The following C1orf21 variants were observed in gnomAD, a reference collection of about 807,000 sequenced individuals.
C1orf21 encodes uncharacterized protein C1orf21.
In C1orf21, 3 loss-of-function variants were observed where a neutral mutation model predicts 18.7. That is an observed-to-expected ratio of 0.16 (90% CI 0.07 to 0.42). The LOEUF (loss-of-function observed/expected upper bound fraction) is 0.42. Ranked by LOEUF, C1orf21 falls within the 10% of genes least tolerant of loss-of-function variation. The pLI, the probability that C1orf21 is intolerant of heterozygous loss-of-function variation, is 0.99. For synonymous variants in C1orf21, 41 were observed against 46.4 expected (o/e 0.88, Z 0.47); for missense variants, 104 against 143.6 (o/e 0.72, Z 1.41).
intron 1 of C1orf21, among the ~76,000 whole-genome samples, chr1:184,449,132 GT>G (rs1251980646): frequency 1.3e-5 from 2 of 152,050 alleles, no homozygotes; most frequent in African/African-American, 4.8e-5. Flanking sequence ...CATGTGCCAT[GT>G]TGGTGTGCTG....
intron 1 of C1orf21, among the ~76,000 whole-genome samples, chr1:184,394,668 C>T (rs1204593263): frequency 3.3e-5 from 5 of 152,192 alleles, no homozygotes; most frequent in Non-Finnish European, 7.3e-5. Flanking sequence ...TTGCAGGAAA[C>T]TTCTCAAAGA....
intron 2 of C1orf21, among the ~76,000 whole-genome samples, chr1:184,505,272 C>T (rs1053032409): frequency 1.5e-5 from 2 of 133,560 alleles, no homozygotes; most frequent in African/African-American, 2.8e-5. Flanking sequence ...ATCCTACAGA[C>T]AAAATCATAG....
chr1:184,576,074 C>T (rs538962247), intron 3 of C1orf21, among the ~76,000 whole-genome samples: 1 of 152,166 alleles, frequency 6.6e-6, no homozygotes, highest in Admixed American at 6.5e-5. Flanking sequence ...TTAGGTAAAC[C>T]AACATATCAC....
intron 1 of C1orf21, among the ~76,000 whole-genome samples, chr1:184,415,801 C>T (rs1281906118): frequency 1.3e-5 from 2 of 152,176 alleles, no homozygotes; most frequent in African/African-American, 2.4e-5. Context: ...ATTTTGGATT[C>T]ATCCTTCTCC....
chr1:184,525,357 T>C (rs1193329629), intron 3 of C1orf21, among the ~76,000 whole-genome samples: 1 of 152,170 alleles, frequency 6.6e-6, no homozygotes, highest in East Asian at 1.9e-4. Flanking sequence ...ATTATGATTT[T>C]CCAACTTTAC....
chr1:184,484,884 CTGTGTG>C (rs3034460), intron 2 of C1orf21, among the ~76,000 whole-genome samples: 9,368 of 145,998 alleles, frequency 0.064, 336 homozygotes, highest in Non-Finnish European at 0.088. Context: ...ATGCTTGTGG[CTGTGTG>C]TGTGTGTGTG....
At chr1:184,559,552 TTC>T (rs1658929457) in intron 3 of C1orf21, among the ~76,000 whole-genome samples, 3 of 128,920 alleles carry the variant, frequency 2.3e-5, no homozygotes, top group East Asian at 2.4e-4. Flanking sequence ...CCTTCCTTCC[TTC>T]CTCTCTCTTT....
At chr1:184,450,909 C>T (rs1657110833) in intron 1 of C1orf21, among the ~76,000 whole-genome samples, 1 of 152,156 alleles carries the variant, frequency 6.6e-6, no homozygotes, top group Non-Finnish European at 1.5e-5. Context: ...ACAGAATCTT[C>T]CTCTATCGCC....
At chr1:184,574,909 A>G (rs1224366428) in intron 3 of C1orf21, among the ~76,000 whole-genome samples, 1 of 152,204 alleles carries the variant, frequency 6.6e-6, no homozygotes, top group Admixed American at 6.5e-5. Flanking sequence ...CCACAGGACG[A>G]GCTCAGCTCG....
chr1:184,460,830 T>C (rs1207113789), intron 1 of C1orf21, among the ~76,000 whole-genome samples: 4 of 151,640 alleles, frequency 2.6e-5, no homozygotes, highest in Non-Finnish European at 5.9e-5. Context: ...GTAATCTAGA[T>C]AAGACAGAGC....
At chr1:184,396,093 G>C (rs1265246178) in intron 1 of C1orf21, among the ~76,000 whole-genome samples, 1 of 152,152 alleles carries the variant, frequency 6.6e-6, no homozygotes, top group Admixed American at 6.5e-5. Flanking sequence ...GATTGATGTC[G>C]CTGGACTTTC....
intron 1 of C1orf21, among the ~76,000 whole-genome samples, chr1:184,421,649 G>A (rs1254463094): frequency 6.6e-6 from 1 of 152,148 alleles, no homozygotes; most frequent in African/African-American, 2.4e-5. Flanking sequence ...AGAAGTTTCT[G>A]TGTCTCAAGG....
intron 1 of C1orf21, among the ~76,000 whole-genome samples, chr1:184,464,853 G>A (rs1325933375): frequency 6.6e-6 from 1 of 152,184 alleles, no homozygotes; most frequent in East Asian, 1.9e-4. Context: ...AGGCAACAGC[G>A]GGTCAACAGG....
intron 1 of C1orf21, among the ~76,000 whole-genome samples, chr1:184,419,720 C>T (rs1656515190): frequency 2.6e-5 from 4 of 152,006 alleles, no homozygotes; most frequent in Admixed American, 2.6e-4. Flanking sequence ...TTATTCAAAG[C>T]TTTGAAGGTG....
chr1:184,450,213 T>G (rs898126368), intron 1 of C1orf21, among the ~76,000 whole-genome samples: 7 of 152,070 alleles, frequency 4.6e-5, no homozygotes, highest in Admixed American at 3.3e-4. Flanking sequence ...AAGCACCTCT[T>G]ATGGGATTCT....
chr1:184,512,498 C>T (rs550057470), intron 3 of C1orf21, among the ~76,000 whole-genome samples: 3 of 152,250 alleles, frequency 2.0e-5, no homozygotes, highest in Admixed American at 1.3e-4. Flanking sequence ...ATATGTCAGT[C>T]ATTTATGTAC....
intron 3 of C1orf21, among the ~76,000 whole-genome samples, chr1:184,530,269 G>A (rs900480733): frequency 1.3e-5 from 2 of 152,172 alleles, no homozygotes; most frequent in Non-Finnish European, 2.9e-5. Context: ...CCTTGGACAA[G>A]TTATCTCTCT....
At chr1:184,618,015 T>C (rs1456239006) in intron 5 of C1orf21, among the ~76,000 whole-genome samples, 1 of 150,658 alleles carries the variant, frequency 6.6e-6, no homozygotes, top group Middle Eastern at 3.4e-3. Flanking sequence ...GTTCAAGCGA[T>C]TCTCCTGCCT....
intron 1 of C1orf21, among the ~76,000 whole-genome samples, chr1:184,426,804 T>C (rs1379540528): frequency 2.0e-5 from 3 of 152,156 alleles, no homozygotes; most frequent in Admixed American, 6.5e-5. Flanking sequence ...AACCAAGGCA[T>C]ACTGGGTGCG....
Sources: gnomAD v4.1 joint callset for allele counts (sites outside exome capture counted in the v4.1 genomes callset) on GRCh38, gnomAD v4.1.1 for gene constraint, MANE v1.5 for transcripts, NCBI Gene and HGNC (gene_info 2026-07-23, HGNC 2026-07-21) for gene names.